FGF14: variants seen among roughly 807,000 people sequenced by gnomAD.
The protein encoded by FGF14 is fibroblast growth factor 14.
FGF14 carries 5 observed loss-of-function variants against 25.5 expected under a neutral mutation model. That is an observed-to-expected ratio of 0.20 (90% CI 0.10 to 0.41). The LOEUF (loss-of-function observed/expected upper bound fraction) is 0.41. Among genes scored for constraint, FGF14 ranks in the 10% least tolerant of loss-of-function variants. FGF14 has a pLI of 1.00. For missense variants in FGF14, 222 were observed against 320.1 expected, an observed-to-expected ratio of 0.69 and a Z score of 2.34; for synonymous variants, 138 against 118.3, an observed-to-expected ratio of 1.17 and a Z score of -1.08.
At chr13:101,995,232 G>A (rs2039119415) in intron 1 of FGF14, among the ~76,000 whole-genome samples, 1 of 152,074 alleles carries the variant, frequency 6.6e-6, no homozygotes, top group East Asian at 1.9e-4. Context: ...TGAAAGAATT[G>A]TATTTGCATG....
chr13:102,081,076 G>GA (rs1329714701), intron 1 of FGF14, among the ~76,000 whole-genome samples: 1 of 152,206 alleles, frequency 6.6e-6, no homozygotes, highest in African/African-American at 2.4e-5. Context: ...AGAGAAGGTT[G>GA]AAATAGCAGG....
At chr13:101,743,391 G>A (rs985375634) in intron 3 of FGF14, among the ~76,000 whole-genome samples, 4 of 152,116 alleles carry the variant, frequency 2.6e-5, no homozygotes, top group African/African-American at 9.7e-5. Flanking sequence ...ACATAAGCTT[G>A]TTGTTTAAGG....
intron 1 of FGF14, among the ~76,000 whole-genome samples, chr13:102,229,762 A>G (rs1566840689): frequency 6.6e-6 from 1 of 152,230 alleles, no homozygotes. Context: ...ACCAATGGCT[A>G]TAATTGGAGA....
In FGF14 at chr13:102,326,742, GGAAGGAAGGAAA is replaced by G. The variant is rs1377038936; in HGVS notation, c.208+74717_208+74728del. On this transcript the variant is annotated intron_variant, in intron 1 of 4. Transcript: ENST00000376131. Reference sequence around the variant, plus strand: ...AGGAAGGAAGGAAGGAAGGAAGGAAGGAAGGAAGGAAAGAGGGAGGGAAGGAAGGAAGAAAAA... The same window carrying G: ...AGGAAGGAAGGAAGGAAGGAAGGAAGGAGGGAGGGAAGGAAGGAAGAAAAA... 3.0e-3 allele frequency among the ~76,000 whole-genome samples: 297 copies of G among 97,826 alleles called. 6 individuals carry two copies. The highest frequency in any genetic ancestry group is 0.011 in the African/African-American group (275 of 24,590). 64.2% of individuals were successfully genotyped at this position (97,826 alleles called of 152,430 possible). A position where few individuals can be genotyped will look rare whatever the true frequency, so the allele number is the denominator to read the frequency against.
chr13:102,249,220 C>A (rs1192646092), intron 1 of FGF14, among the ~76,000 whole-genome samples: 1 of 152,010 alleles, frequency 6.6e-6, no homozygotes, highest in Non-Finnish European at 1.5e-5. Flanking sequence ...GGAGTTTATC[C>A]CTGTTACTCC....
intron 1 of FGF14, among the ~76,000 whole-genome samples, chr13:102,360,856 C>G (rs1006487458): frequency 1.3e-5 from 2 of 152,156 alleles, no homozygotes; most frequent in South Asian, 2.1e-4. Context: ...CTGGACAGTA[C>G]ACATACTTGT....
chr13:102,124,435 A>G (rs955842757), intron 1 of FGF14, among the ~76,000 whole-genome samples: 2 of 152,146 alleles, frequency 1.3e-5, no homozygotes, highest in Admixed American at 6.6e-5. Context: ...GTTACAGCAA[A>G]AGTACAAGAC....
At chr13:102,301,826 TCA>T (rs3066038) in intron 1 of FGF14, among the ~76,000 whole-genome samples, 3,677 of 140,002 alleles carry the variant, frequency 0.026, 51 homozygotes, top group South Asian at 0.044. Flanking sequence ...TTCCTGTACT[TCA>T]CACACACACA....
rs2036455947 is a variant in FGF14, at chr13:101,955,455, A to T, written c.209-80159T>A. Among the ~76,000 whole-genome samples, 2 of 152,250 alleles carry T rather than the reference A, an allele frequency of 1.3e-5. 1 individual carries two copies. Among genetic ancestry groups the T allele is most frequent in the South Asian group, 4.1e-4 (2 of 4,834 alleles). On this transcript the variant is annotated intron_variant, in intron 1 of 4. Coordinates refer to the FGF14 transcript ENST00000376131. ...GGGACACAATTTGTGATGCAAGGAAACAAGCTCACAAAGACATAAAAATTA... is the reference window on the plus strand; with the variant it reads ...GGGACACAATTTGTGATGCAAGGAATCAAGCTCACAAAGACATAAAAATTA...
At chr13:101,900,816 A>G (rs1210329502) in intron 1 of FGF14, among the ~76,000 whole-genome samples, 1 of 152,184 alleles carries the variant, frequency 6.6e-6, no homozygotes, top group African/African-American at 2.4e-5. Context: ...ACTTCTTTTA[A>G]TGTGCATGTT....
At chr13:102,252,001 A>T (rs1393470004) in intron 1 of FGF14, among the ~76,000 whole-genome samples, 7 of 152,322 alleles carry the variant, frequency 4.6e-5, no homozygotes, top group African/African-American at 1.7e-4. Context: ...TTATGAGCAT[A>T]ATGCTGTACC....
intron 1 of FGF14, among the ~76,000 whole-genome samples, chr13:102,368,779 G>C (rs117028147): frequency 0.01 from 1,525 of 152,078 alleles, 9 homozygotes; most frequent in Non-Finnish European, 0.014. Context: ...GATATTAAAG[G>C]CCCATAAATG....
intron 1 of FGF14, among the ~76,000 whole-genome samples, chr13:101,946,363 C>CA (rs59866034): frequency 0.12 from 11,326 of 91,820 alleles, 988 homozygotes; most frequent in African/African-American, 0.24. Context: ...GCTTCTCCAT[C>CA]AAAAAAAAAA....
intron 3 of FGF14, among the ~76,000 whole-genome samples, chr13:101,822,319 A>C (rs1256835939): frequency 6.6e-6 from 1 of 152,134 alleles, no homozygotes; most frequent in Admixed American, 6.5e-5. Context: ...AGGAAAATAT[A>C]CTAGTCTATT....
intron 3 of FGF14, among the ~76,000 whole-genome samples, chr13:101,804,703 TA>T (rs1566922821): frequency 6.6e-6 from 1 of 152,160 alleles, no homozygotes; most frequent in Non-Finnish European, 1.5e-5. Flanking sequence ...CACACATACA[TA>T]TATACATACA....
chr13:102,252,311 T>G (rs1450190404), intron 1 of FGF14, among the ~76,000 whole-genome samples: 1 of 152,180 alleles, frequency 6.6e-6, no homozygotes, highest in Non-Finnish European at 1.5e-5. Flanking sequence ...GTATTCAGGT[T>G]TTGATTCTCC....
At chr13:102,135,530 T>C (rs2046376995) in intron 1 of FGF14, among the ~76,000 whole-genome samples, 1 of 152,240 alleles carries the variant, frequency 6.6e-6, no homozygotes, top group Non-Finnish European at 1.5e-5. Context: ...TTACAAATAG[T>C]ACAGAGTTAA....
rs1041291027 is a variant in FGF14 at position 101,740,704 on chromosome 13, T to G, written c.409-13894A>C. 2.0e-5 allele frequency among the ~76,000 whole-genome samples: 3 copies of G among 152,166 alleles called. No individual in the cohort carries two copies. In the East Asian group the frequency reaches 5.8e-4, roughly 29 times the overall value. On this transcript the variant is annotated intron_variant, in intron 3 of 4. Transcript: ENST00000376143. ...AAGAGTATAACATAAGTTTCCAGAGTGCTTTCTGTCCTTTTACAGAATATC... is the reference window on the plus strand; with the variant it reads ...AAGAGTATAACATAAGTTTCCAGAGGGCTTTCTGTCCTTTTACAGAATATC...
chr13:101,997,854 T>C (rs1397223616), intron 1 of FGF14, among the ~76,000 whole-genome samples: 1 of 150,104 alleles, frequency 6.7e-6, no homozygotes, highest in African/African-American at 2.4e-5. Flanking sequence ...TTTTCTTTCT[T>C]ATCTTTAGTT....
Sources: gnomAD v4.1 joint callset for allele counts (sites outside exome capture counted in the v4.1 genomes callset) on GRCh38, gnomAD v4.1.1 for gene constraint, MANE v1.5 for transcripts, NCBI Gene and HGNC (gene_info 2026-07-23, HGNC 2026-07-21) for gene names.